The following ZCWPW2 variants were observed in gnomAD, a reference collection of about 807,000 sequenced individuals.
ZCWPW2 encodes the protein zinc finger CW-type PWWP domain protein 2.
In ZCWPW2, 45 loss-of-function variants were observed where a neutral mutation model predicts 46.6. That is an observed-to-expected ratio of 0.96 (90% CI 0.76 to 1.24). The LOEUF (loss-of-function observed/expected upper bound fraction) is 1.24, where lower values mean the gene tolerates loss of function less well. Among genes scored for constraint, ZCWPW2 ranks in the 50% most tolerant of loss-of-function variants. The pLI is 0.00. For synonymous variants in ZCWPW2, 152 were observed against 137.1 expected, an observed-to-expected ratio of 1.11 and a Z score of -0.76; for missense variants, 429 against 403.9, an observed-to-expected ratio of 1.06 and a Z score of -0.53.
At chr3:28,488,998 A>G (rs929224610) in intron 5 of ZCWPW2, among the ~76,000 whole-genome samples, 3 of 152,204 alleles carry the variant, frequency 2.0e-5, no homozygotes, top group African/African-American at 4.8e-5. Context: ...TTGAAAATCA[A>G]CGTGGTTGTT....
rs1253349936 is a variant in ZCWPW2 at position 28,526,204 on chromosome 3, A to T, written c.*1516A>T. Among the ~76,000 whole-genome samples, 1 of 152,238 alleles carries T rather than the reference A, an allele frequency of 6.6e-6. No homozygotes were observed. Among genetic ancestry groups the T allele is most frequent in the Non-Finnish European group, 1.5e-5 (1 of 68,040 alleles). ...TTACTCTTTGCAAAGAGAACCAAGT[A>T]TGTGTTTAAATATATTGCAATTAAT... is the stretch of plus-strand genomic sequence containing the variant. On this transcript the variant is annotated 3_prime_UTR_variant, in exon 10 of 10. Coordinates refer to ENST00000383768, the MANE Select transcript of ZCWPW2 (RefSeq NM_001040432.4).
intron 4 of ZCWPW2, among the ~76,000 whole-genome samples, chr3:28,436,331 T>TC (rs952642323): frequency 2.2e-4 from 31 of 143,700 alleles, no homozygotes; most frequent in Non-Finnish European, 4.1e-4. Flanking sequence ...TTCTTTTTTT[T>TC]TTTTTTTTTT....
intron 2 of ZCWPW2, among the ~76,000 whole-genome samples, chr3:28,409,827 A>AAG (rs1375098895): frequency 6.6e-6 from 1 of 152,186 alleles, no homozygotes; most frequent in African/African-American, 2.4e-5. Flanking sequence ...TAATAAATAA[A>AAG]AGGTGCACAA....
At chr3:28,427,378 G>A (rs1697060055) in intron 3 of ZCWPW2, among the ~76,000 whole-genome samples, 1 of 152,140 alleles carries the variant, frequency 6.6e-6, no homozygotes. Flanking sequence ...AAGTAATCAT[G>A]TTTTCTACAT....
intron 1 of ZCWPW2, among the ~76,000 whole-genome samples, chr3:28,376,113 G>A (rs575234526): frequency 7.9e-5 from 12 of 151,940 alleles, no homozygotes; most frequent in African/African-American, 2.4e-4. Context: ...TAGGGGTACC[G>A]ATGTCTTTTT....
chr3:28,488,503 C>A (rs894307868), intron 5 of ZCWPW2, among the ~76,000 whole-genome samples: 9 of 152,008 alleles, frequency 5.9e-5, no homozygotes, highest in Non-Finnish European at 1.5e-5. Context: ...CAAAAACTGA[C>A]AATTTTTTGA....
chr3:28,425,606 T>C (rs1231842659), intron 3 of ZCWPW2, among the ~76,000 whole-genome samples: 1 of 152,222 alleles, frequency 6.6e-6, no homozygotes, highest in Non-Finnish European at 1.5e-5. Flanking sequence ...TTCAGAGTTA[T>C]TCTTTCTCAA....
At position 28,413,259 on chromosome 3, in the gene ZCWPW2, C is replaced by T. The variant is rs1270703033; in HGVS notation, c.191C>T (p.Thr64Ile). 2 of 1,613,306 alleles carry T rather than the reference C, an allele frequency of 1.2e-6. No individual in the cohort carries two copies. The highest frequency in any genetic ancestry group is 8.5e-7 in the Non-Finnish European group (1 of 1,179,542). ...HDEPWYCFMN[T>I]DSRYNNCSIS... ...GAACCATGGTACTGCTTCATGAACA[C>T]TGATTCAAGATATAATAACTGCTCA... The change falls in exon 3 of 10, where the codon ACT becomes ATT. Residue 64 changes from threonine to isoleucine, a missense_variant. Coordinates refer to ENST00000383768, the MANE Select transcript of ZCWPW2 (RefSeq NM_001040432.4).
chr3:28,435,385 TG>T, intron 4 of ZCWPW2, 116 bp downstream of exon 4: 1 of 864,494 alleles, frequency 1.2e-6, no homozygotes, highest in Non-Finnish European at 1.6e-6. Context: ...TAATGTATGC[TG>T]TTTATTTAAT....
intron 4 of ZCWPW2, among the ~76,000 whole-genome samples, chr3:28,462,078 C>T (rs1308674464): frequency 3.3e-5 from 5 of 152,190 alleles, no homozygotes; most frequent in African/African-American, 1.2e-4. Context: ...TTGTGGTGGT[C>T]AAAAGCAGGG....
At chr3:28,370,553 A>G (rs1190790789) in intron 1 of ZCWPW2, among the ~76,000 whole-genome samples, 2 of 152,180 alleles carry the variant, frequency 1.3e-5, no homozygotes, top group East Asian at 1.9e-4. Context: ...AATGGCTACT[A>G]TTGGGGAGAA....
In ZCWPW2 at chr3:28,413,398, A is replaced by G; in HGVS notation, c.330A>G (p.Pro110=). 6.2e-7 allele frequency: 1 copy of G among 1,604,952 alleles called. No homozygotes were observed. Among genetic ancestry groups the G allele is most frequent in the South Asian group, 1.1e-5 (1 of 90,440 alleles). Residue 110 remains proline, a splice_region_variant and synonymous_variant, in exon 3 of 10, where the codon CCA becomes CCG. Transcript: ENST00000383768. The stretch of plus-strand genomic sequence containing the variant: ...TTTTGGTAAAATTACAGAATTGGCC[A>G]AGGTAAGGTTTGTGTAGTTTTATGA... ...SLVLVKLQNW[P]SWPGILCPDR...
intron 6 of ZCWPW2, among the ~76,000 whole-genome samples, chr3:28,493,307 ACC>A (rs1699891045): frequency 2.2e-5 from 1 of 46,340 alleles, no homozygotes. Context: ...CCCTCCCCCG[ACC>A]CCACCACAGT....
Position 28,492,175 on chromosome 3 carries a change from TA to T in ZCWPW2, c.657+4del. The T allele has an allele frequency of 6.2e-7, 1 of 1,603,572 alleles. No individual in the cohort carries two copies. The highest frequency in any genetic ancestry group is 8.5e-7 in the Non-Finnish European group (1 of 1,175,350). ...GTTGCTGCACTGGTCAAGAAAAGGGTAAGATTGTGTTTTATTATATAAAATA... is the reference window on the plus strand; with the variant it reads ...GTTGCTGCACTGGTCAAGAAAAGGGTAGATTGTGTTTTATTATATAAAATA... On this transcript the variant is annotated splice_donor_region_variant and intron_variant, in intron 6 of 9. Coordinates refer to ENST00000383768, the MANE Select transcript of ZCWPW2 (RefSeq NM_001040432.4).
At chr3:28,470,449 G>A (rs890080269) in intron 4 of ZCWPW2, among the ~76,000 whole-genome samples, 5 of 149,120 alleles carry the variant, frequency 3.4e-5, no homozygotes, top group South Asian at 4.2e-4. Flanking sequence ...AGCCGAGATC[G>A]CGTCACAGCA....
chr3:28,354,391 C>A (rs547579719), intron 1 of ZCWPW2, among the ~76,000 whole-genome samples: 1 of 140,556 alleles, frequency 7.1e-6, no homozygotes, highest in African/African-American at 2.5e-5. Context: ...AGTCTAGGAC[C>A]AGACGGATTC....
intron 9 of ZCWPW2, among the ~76,000 whole-genome samples, chr3:28,522,364 G>C (rs918746666): frequency 3.3e-5 from 5 of 152,144 alleles, no homozygotes; most frequent in Non-Finnish European, 5.9e-5. Flanking sequence ...AGTTGCTAGA[G>C]AGAATAAGTG....
intron 4 of ZCWPW2, among the ~76,000 whole-genome samples, chr3:28,448,902 G>T (rs1332874262): frequency 1.4e-5 from 2 of 140,950 alleles, no homozygotes; most frequent in Admixed American, 7.7e-5. Flanking sequence ...TGGTATTTTT[G>T]CATGAATAGC....
At chr3:28,379,754 T>G (rs931053413) in intron 1 of ZCWPW2, among the ~76,000 whole-genome samples, 1 of 151,846 alleles carries the variant, frequency 6.6e-6, no homozygotes, top group African/African-American at 2.4e-5. Context: ...ATAAAGTTGT[T>G]AAATAAAAAA....
Sources: gnomAD v4.1 joint callset for allele counts (sites outside exome capture counted in the v4.1 genomes callset) on GRCh38, gnomAD v4.1.1 for gene constraint, MANE v1.5 for transcripts, NCBI Gene and HGNC (gene_info 2026-07-23, HGNC 2026-07-21) for gene names.